The following BTG3 variants were observed in gnomAD, a reference collection of about 807,000 sequenced individuals.
BTG3 encodes protein BTG3.
A neutral mutation model predicts 25.8 loss-of-function variants in BTG3; 4 were observed. The ratio of observed to expected loss-of-function variants is 0.16; its 90% CI spans 0.08 to 0.36. BTG3 has a LOEUF of 0.36. BTG3 is among the 10% of genes least tolerant of loss of function. The pLI, the probability that BTG3 is intolerant of heterozygous loss-of-function variation, is 1.00. For missense variants in BTG3, 201 were observed against 304.9 expected, an observed-to-expected ratio of 0.66 and a Z score of 2.54; for synonymous variants, 107 against 99.9, an observed-to-expected ratio of 1.07 and a Z score of -0.42.
At chr21:17,609,195 A>C in intron 1 of BTG3, 43 bp from the exon 2 acceptor site, 1 of 1,572,530 alleles carries the variant, frequency 6.4e-7, no homozygotes, top group Non-Finnish European at 8.6e-7. Flanking sequence ...CAAAATATAA[A>C]AACTGGGAAG....
At chr21:17,603,920 TTCTTC>T (rs2061604250) in intron 3 of BTG3, among the ~76,000 whole-genome samples, 1 of 152,224 alleles carries the variant, frequency 6.6e-6, no homozygotes, top group Non-Finnish European at 1.5e-5. Flanking sequence ...TTGCTTACTT[TTCTTC>T]TCAATTTCAA....
At chr21:17,596,428 T>C (rs1030928642) in intron 4 of BTG3, among the ~76,000 whole-genome samples, 3 of 152,200 alleles carry the variant, frequency 2.0e-5, no homozygotes, top group Middle Eastern at 3.4e-3. Context: ...ATCTTTTATG[T>C]CTAGGTACAC....
intron 3 of BTG3, chr21:17,604,077 C>CAA (rs2061606170): frequency 8.3e-7 from 1 of 1,210,602 alleles, no homozygotes; most frequent in Non-Finnish European, 1.1e-6. Flanking sequence ...CAACTCTATT[C>CAA]ATTAGGAGAT....
intron 2 of BTG3, among the ~76,000 whole-genome samples, chr21:17,607,366 A>C (rs1397982129): frequency 6.6e-6 from 1 of 152,082 alleles, no homozygotes; most frequent in African/African-American, 2.4e-5. Flanking sequence ...AAAGCTGTTC[A>C]CTCTATTGGA....
intron 4 of BTG3, among the ~76,000 whole-genome samples, chr21:17,595,481 T>G (rs992424133): frequency 6.6e-6 from 1 of 151,982 alleles, no homozygotes; most frequent in Admixed American, 6.6e-5. Context: ...TTTAGAGATA[T>G]TCTATCCACA....
chr21:17,602,158 C>CAA (rs566555482), intron 3 of BTG3, among the ~76,000 whole-genome samples: 10 of 140,084 alleles, frequency 7.1e-5, no homozygotes, highest in African/African-American at 2.6e-4. Context: ...CAGAAATCAC[C>CAA]AAAAAAAAAA....
chr21:17,598,886 A>AT (rs2061536940), intron 3 of BTG3, 62 bp from the exon 4 acceptor site: 1 of 1,358,280 alleles, frequency 7.4e-7, no homozygotes, highest in Non-Finnish European at 1.0e-6. Flanking sequence ...AAAAATGTCC[A>AT]TAAAAACAAA....
At position 17,593,771 on chromosome 21, in the gene BTG3, T is replaced by G. The variant is rs2824386; in HGVS notation, c.*322A>C. On this transcript the variant is annotated 3_prime_UTR_variant, in exon 5 of 5. Coordinates refer to ENST00000348354, the MANE Select transcript of BTG3 (RefSeq NM_006806.5). ...CTTACATACGCTCCATAAAGTAAAT[T>G]CTCAAAGGTGCTAGAACAAATCGTC... 1,637 of 223,606 alleles carry G rather than the reference T, an allele frequency of 7.3e-3. 98 individuals carry two copies. In the East Asian group the frequency reaches 0.12, roughly 17 times the overall value. 13.9% of individuals were successfully genotyped at this position (223,606 alleles called of 1,614,324 possible).
rs760950585 is a variant in BTG3, at chr21:17,594,346, AACAC to A, written c.520-18_520-15del. On this transcript the variant is annotated splice_polypyrimidine_tract_variant and intron_variant, in intron 4 of 4. Coordinates refer to ENST00000348354, the MANE Select transcript of BTG3 (RefSeq NM_006806.5). The stretch of plus-strand genomic sequence containing the variant: ...AAGTTCTGAAATCTGTAGGGAAGAG[AACAC>A]ATTAAGTTAATTCAAAGGAAAAAAT... 57 of 1,608,500 alleles carry A rather than the reference AACAC, an allele frequency of 3.5e-5. No individual in the cohort carries two copies. Among genetic ancestry groups the A allele is most frequent in the Non-Finnish European group, 4.6e-5 (54 of 1,177,658 alleles).
At chr21:17,602,171 A>G (rs1248603284) in intron 3 of BTG3, among the ~76,000 whole-genome samples, 1 of 152,084 alleles carries the variant, frequency 6.6e-6, no homozygotes, top group Non-Finnish European at 1.5e-5. Flanking sequence ...AAAAAAAAAA[A>G]GTTGTAAAAT....
At chr21:17,602,108 C>A (rs2061581881) in intron 3 of BTG3, among the ~76,000 whole-genome samples, 1 of 150,082 alleles carries the variant, frequency 6.7e-6, no homozygotes, top group Admixed American at 6.6e-5. Flanking sequence ...TAGAAACAAT[C>A]AATAGTATTT....
At chr21:17,598,345 G>A (rs951005309) in intron 4 of BTG3, among the ~76,000 whole-genome samples, 7 of 152,098 alleles carry the variant, frequency 4.6e-5, no homozygotes, top group Non-Finnish European at 7.4e-5. Flanking sequence ...AAAATATCAG[G>A]AATGTTTTAC....
intron 1 of BTG3, among the ~76,000 whole-genome samples, chr21:17,610,677 T>C (rs1272569924): frequency 6.6e-6 from 1 of 152,200 alleles, no homozygotes; most frequent in Non-Finnish European, 1.5e-5. Context: ...CCTGGAGTTA[T>C]TAAGATGCTG....
chr21:17,606,269 A>T (rs981141049), intron 2 of BTG3, among the ~76,000 whole-genome samples: 6 of 152,186 alleles, frequency 3.9e-5, no homozygotes, highest in African/African-American at 1.4e-4. Flanking sequence ...AACATTACAC[A>T]GCTACTAAGT....
At chr21:17,595,751 T>A (rs1034814673) in intron 4 of BTG3, among the ~76,000 whole-genome samples, 1 of 152,044 alleles carries the variant, frequency 6.6e-6, no homozygotes, top group Non-Finnish European at 1.5e-5. Flanking sequence ...CAGTTAATTC[T>A]AATAGAAGGC....
intron 4 of BTG3, among the ~76,000 whole-genome samples, chr21:17,596,225 C>T (rs1243068331): frequency 1.3e-5 from 2 of 151,800 alleles, no homozygotes; most frequent in African/African-American, 4.8e-5. Context: ...AATATTTTGT[C>T]CTAGTCTATG....
chr21:17,611,827 G>A (rs1470675460), intron 1 of BTG3: 1 of 152,250 alleles, frequency 6.6e-6, no homozygotes, highest in Non-Finnish European at 1.5e-5. Context: ...CCTCGCAGGA[G>A]TTTATAACTT....
intron 3 of BTG3, among the ~76,000 whole-genome samples, chr21:17,600,610 C>A (rs563539987): frequency 1.3e-5 from 2 of 152,036 alleles, no homozygotes; most frequent in Admixed American, 6.5e-5. Context: ...TGCTTGAGCC[C>A]AGGAATTTGA....
chr21:17,609,489 A>G (rs1448918215), intron 1 of BTG3, among the ~76,000 whole-genome samples: 1 of 152,234 alleles, frequency 6.6e-6, no homozygotes, highest in Non-Finnish European at 1.5e-5. Flanking sequence ...GTGTGTGTCA[A>G]TATTTAGCTG....
Sources: allele counts gnomAD v4.1 joint callset (sites outside exome capture counted in the v4.1 genomes callset), GRCh38; gene constraint gnomAD v4.1.1; transcripts MANE v1.5; gene names NCBI Gene and HGNC (gene_info 2026-07-23, HGNC 2026-07-21).